RGL1: variants seen among roughly 807,000 people sequenced by gnomAD.
RGL1 encodes ral guanine nucleotide dissociation stimulator-like 1.
RGL1 carries 24 observed loss-of-function variants against 95.2 expected under a neutral mutation model. The observed-to-expected ratio is 0.25, with a 90% CI of 0.18 to 0.35. RGL1 has a LOEUF of 0.35. Among genes scored for constraint, RGL1 ranks in the 10% least tolerant of loss-of-function variants. The pLI, the probability that RGL1 is intolerant of heterozygous loss-of-function variation, is 1.00. For synonymous variants in RGL1, 329 were observed against 344.9 expected (o/e 0.95, Z 0.51); for missense variants, 715 against 936.3 (o/e 0.76, Z 3.08).
At chr1:183,712,433 T>C (rs1655339064) in intron 1 of RGL1, among the ~76,000 whole-genome samples, 1 of 152,126 alleles carries the variant, frequency 6.6e-6, no homozygotes, top group South Asian at 2.1e-4. Context: ...TCCTGTGACT[T>C]AGGAACTCTT....
At chr1:183,704,176 A>G (rs1572299918) in intron 1 of RGL1, among the ~76,000 whole-genome samples, 1 of 152,112 alleles carries the variant, frequency 6.6e-6, no homozygotes, top group African/African-American at 2.4e-5. Flanking sequence ...ATAGGATCGT[A>G]TGGAGTTTGG....
At chr1:183,773,015 C>CAAAAAAAAAAAAAAAAAA (rs60100787) in intron 2 of RGL1, among the ~76,000 whole-genome samples, 5 of 72,408 alleles carry the variant, frequency 6.9e-5, no homozygotes, top group African/African-American at 2.3e-4. Context: ...GACTCCGTCT[C>CAAAAAAAAAAAAAAAAAA]AAAAAAAAAA....
At chr1:183,905,047 G>A in intron 13 of RGL1, 76 bp downstream of exon 13, 1 of 1,519,392 alleles carries the variant, frequency 6.6e-7, no homozygotes, top group Admixed American at 2.2e-5. Context: ...ACCTCGCTGG[G>A]TCATTTATTC....
chr1:183,730,314 C>A (rs1009065620), intron 1 of RGL1, among the ~76,000 whole-genome samples: 7 of 152,202 alleles, frequency 4.6e-5, no homozygotes, highest in African/African-American at 1.7e-4. Context: ...TGGCTAAGAC[C>A]AAGAGCCAGG....
intron 3 of RGL1, among the ~76,000 whole-genome samples, chr1:183,860,748 A>G (rs1264105421): frequency 2.6e-5 from 4 of 152,144 alleles, no homozygotes; most frequent in Non-Finnish European, 1.5e-5. Flanking sequence ...ATATTAACTA[A>G]TTATTGTTGT....
At chr1:183,902,011 A>G (rs563872156) in intron 11 of RGL1, among the ~76,000 whole-genome samples, 155 of 152,300 alleles carry the variant, frequency 1.0e-3, no homozygotes, top group African/African-American at 3.5e-3. Flanking sequence ...CCTGACTTCT[A>G]TGTCTCTTCA....
intron 1 of RGL1, among the ~76,000 whole-genome samples, chr1:183,719,846 C>T (rs987953755): frequency 2.0e-5 from 3 of 151,988 alleles, no homozygotes; most frequent in African/African-American, 7.3e-5. Context: ...GCAGAGGTTG[C>T]AGTGAGCCGG....
upstream of RGL1, among the ~76,000 whole-genome samples, chr1:183,803,453 G>A (rs1284314475): frequency 2.6e-5 from 4 of 152,218 alleles, no homozygotes; most frequent in Non-Finnish European, 5.9e-5. Context: ...ATGTGAAGCT[G>A]TATCCACTTG....
intron 8 of RGL1, among the ~76,000 whole-genome samples, chr1:183,890,233 T>A (rs1278077418): frequency 6.6e-6 from 1 of 152,172 alleles, no homozygotes; most frequent in African/African-American, 2.4e-5. Context: ...CTTTCTTTGA[T>A]GGTTGAAAAA....
intron 1 of RGL1, among the ~76,000 whole-genome samples, chr1:183,655,975 T>TG (rs1404551297): frequency 2.0e-5 from 3 of 152,168 alleles, no homozygotes; most frequent in African/African-American, 7.2e-5. Context: ...GCCATTGTTT[T>TG]GGGCTAAGCT....
chr1:183,729,181 T>C (rs1656482630), intron 1 of RGL1, among the ~76,000 whole-genome samples: 1 of 116,424 alleles, frequency 8.6e-6, no homozygotes, highest in African/African-American at 2.8e-5. Context: ...AGATAAAATA[T>C]ATATGTGTGT....
intron 2 of RGL1, among the ~76,000 whole-genome samples, chr1:183,812,202 G>A (rs1661769000): frequency 6.6e-6 from 1 of 152,182 alleles, no homozygotes; most frequent in South Asian, 2.1e-4. Flanking sequence ...TAAAAAATTA[G>A]TTTCTATAAA....
chr1:183,844,902 T>A (rs1664314128), intron 2 of RGL1, among the ~76,000 whole-genome samples: 1 of 152,058 alleles, frequency 6.6e-6, no homozygotes, highest in Admixed American at 6.5e-5. Flanking sequence ...TAAGCTGGAG[T>A]CTTAATTTTA....
chr1:183,869,323 T>G (rs150787151), intron 4 of RGL1, among the ~76,000 whole-genome samples: 350 of 152,348 alleles, frequency 2.3e-3, no homozygotes, highest in African/African-American at 7.6e-3. Context: ...CTAAGCTGTT[T>G]TAAAGAGTTT....
chr1:183,658,373 A>G (rs1267432638), intron 1 of RGL1, among the ~76,000 whole-genome samples: 1 of 152,242 alleles, frequency 6.6e-6, no homozygotes, highest in Non-Finnish European at 1.5e-5. Flanking sequence ...CACTTTTCCA[A>G]CAGGCTTAAA....
At chr1:183,653,598 G>A (rs533783661) in intron 1 of RGL1, among the ~76,000 whole-genome samples, 1 of 152,314 alleles carries the variant, frequency 6.6e-6, no homozygotes, top group East Asian at 1.9e-4. Flanking sequence ...CTGCGTGGGT[G>A]CCAGGGCTTC....
chr1:183,855,456 A>G (rs1392344873), intron 3 of RGL1, among the ~76,000 whole-genome samples: 5 of 152,346 alleles, frequency 3.3e-5, no homozygotes, highest in Middle Eastern at 6.8e-3. Flanking sequence ...TTTTTTATTT[A>G]GTGCTGGAAT....
rs556509442 is a variant in RGL1, at chr1:183,750,883, C to T, written c.132+8594C>T. 1.4e-4 allele frequency among the ~76,000 whole-genome samples: 21 copies of T among 152,310 alleles called. No individual in the cohort carries two copies. The South Asian group carries it at 4.3e-3, about 32-fold the overall frequency. On this transcript the variant is annotated intron_variant, in intron 2 of 18. Transcript: ENST00000304685. Reference sequence around the variant, plus strand: ...TAGACTCTGTTTGTCTGGGTATCACCAGTGGAGGCTGCAAAATAGCAAAAG... The same window carrying T: ...TAGACTCTGTTTGTCTGGGTATCACTAGTGGAGGCTGCAAAATAGCAAAAG...
At chr1:183,738,107 G>GC (rs1302671703) in intron 1 of RGL1, among the ~76,000 whole-genome samples, 4 of 152,160 alleles carry the variant, frequency 2.6e-5, no homozygotes, top group African/African-American at 9.7e-5. Flanking sequence ...TGTCTTGTAA[G>GC]CCTTGACTAT....
Sources: allele counts gnomAD v4.1 joint callset (sites outside exome capture counted in the v4.1 genomes callset), GRCh38; gene constraint gnomAD v4.1.1; transcripts MANE v1.5; gene names NCBI Gene and HGNC (gene_info 2026-07-23, HGNC 2026-07-21).